The following AGAP1 variants were observed in gnomAD, a reference collection of about 807,000 sequenced individuals.
The protein encoded by AGAP1 is arf-GAP with GTPase, ANK repeat and PH domain-containing protein 1.
AGAP1 carries 29 observed loss-of-function variants against 105.3 expected under a neutral mutation model. The ratio of observed to expected loss-of-function variants is 0.28; its 90% CI spans 0.21 to 0.38. The LOEUF is 0.38. AGAP1 is among the 10% of genes least tolerant of loss of function. The pLI, the probability that AGAP1 is intolerant of heterozygous loss-of-function variation, is 1.00. For synonymous variants in AGAP1, 509 were observed against 485.9 expected (o/e 1.05, Z -0.63); for missense variants, 998 against 1,165.1 (o/e 0.86, Z 2.09).
chr2:235,790,211 G>A (rs986361702), intron 6 of AGAP1, among the ~76,000 whole-genome samples: 6 of 152,058 alleles, frequency 3.9e-5, no homozygotes, highest in African/African-American at 7.2e-5. Flanking sequence ...AGAAATTTTC[G>A]GAGTTTAGCT....
At chr2:236,048,109 G>T (rs746545709) in intron 15 of AGAP1, among the ~76,000 whole-genome samples, 22 of 152,234 alleles carry the variant, frequency 1.4e-4, no homozygotes, top group Non-Finnish European at 2.8e-4. Context: ...GGTGTGTCCA[G>T]AGTAAGCATT....
At chr2:235,814,838 G>A (rs1020861323) in intron 9 of AGAP1, among the ~76,000 whole-genome samples, 3 of 152,160 alleles carry the variant, frequency 2.0e-5, no homozygotes, top group Admixed American at 1.3e-4. Context: ...AAGGCCCAGG[G>A]TATCTGCTTG....
chr2:236,109,463 G>C lies in AGAP1; in HGVS notation c.2115-10729G>C, dbSNP rs962964969. On this transcript the variant is annotated intron_variant, in intron 16 of 17. Transcript: ENST00000304032. The surrounding 1 kb of genome is among the most constrained non-coding windows in gnomAD (Gnocchi z 5.4). ...AATTATAGATAGTTTTGATAGGGAAGAAGAGGAGGAAGGAAAAACTGAGAT... is the reference window on the plus strand; with the variant it reads ...AATTATAGATAGTTTTGATAGGGAACAAGAGGAGGAAGGAAAAACTGAGAT... Among the ~76,000 whole-genome samples, 1 of 152,144 alleles carries C rather than the reference G, an allele frequency of 6.6e-6. No individual in the cohort carries two copies. The highest frequency in any genetic ancestry group is 2.4e-5 in the African/African-American group (1 of 41,424).
At chr2:235,718,681 C>CT in intron 3 of AGAP1, among the ~76,000 whole-genome samples, 1 of 152,284 alleles carries the variant, frequency 6.6e-6, no homozygotes, top group South Asian at 2.1e-4. Context: ...TGGCTTGAGG[C>CT]TCTGCCACCG....
Position 235,900,786 on chromosome 2 carries a change from C to T in AGAP1, c.1156-7952C>T, listed in dbSNP as rs2051030180. On this transcript the variant is annotated intron_variant, in intron 10 of 17. Transcript: ENST00000304032. The surrounding 1 kb of genome is among the most constrained non-coding windows in gnomAD (Gnocchi z 5.5). The stretch of plus-strand genomic sequence containing the variant: ...GTTTGCCTCTGTGCATGCTACACAT[C>T]TGATTGGCCAGGTGCCTTCCTCCTG... 6.6e-6 allele frequency among the ~76,000 whole-genome samples: 1 copy of T among 152,240 alleles called. No individual in the cohort carries two copies. Among genetic ancestry groups the T allele is most frequent in the African/African-American group, 2.4e-5 (1 of 41,476 alleles).
intron 1 of AGAP1, among the ~76,000 whole-genome samples, chr2:235,537,219 G>T (rs888111184): frequency 6.6e-6 from 1 of 152,236 alleles, no homozygotes; most frequent in Non-Finnish European, 1.5e-5. Flanking sequence ...ATGAGAGCGG[G>T]GGTGGTGTGA....
intron 11 of AGAP1, among the ~76,000 whole-genome samples, chr2:235,920,769 A>G (rs2052146400): frequency 6.6e-6 from 1 of 152,248 alleles, no homozygotes; most frequent in African/African-American, 2.4e-5. Flanking sequence ...AAGACAAACA[A>G]GATTAGCAAC....
rs1944184153 is a variant in AGAP1 at position 235,562,380 on chromosome 2, G to A, written c.163+67531G>A. Among the ~76,000 whole-genome samples the A allele has an allele frequency of 2.0e-5, 3 of 152,142 alleles. No individual in the cohort carries two copies. The South Asian group carries it at 6.2e-4, about 32-fold the overall frequency. On this transcript the variant is annotated intron_variant, in intron 1 of 17. Coordinates refer to ENST00000304032, the MANE Select transcript of AGAP1 (RefSeq NM_001037131.3). ...TTGGCACTAACGGTGGGGAGAGATG[G>A]TTCCCCGAAGCCCCCTCCCTCTTGT...
At chr2:235,667,919 T>C (rs1473107141) in intron 1 of AGAP1, among the ~76,000 whole-genome samples, 1 of 139,446 alleles carries the variant, frequency 7.2e-6, no homozygotes, top group African/African-American at 2.8e-5. Flanking sequence ...GATCGTGCCA[T>C]TGAGCTCCCG....
rs191439875 is a variant in AGAP1 at position 235,792,639 on chromosome 2, G to A, written c.674-5120G>A. Among the ~76,000 whole-genome samples, 1 of 152,226 alleles carries A rather than the reference G, an allele frequency of 6.6e-6. No individual in the cohort carries two copies. ...AGACGAATTTCTGAGAAACTCTGGT[G>A]GTTGAACCAATCATCTGTTAGGTCT... On this transcript the variant is annotated intron_variant, in intron 6 of 17. Transcript: ENST00000304032. This position sits in a 1 kb window ranked among gnomAD's most constrained non-coding sequence, Gnocchi z 5.3.
intron 1 of AGAP1, among the ~76,000 whole-genome samples, chr2:235,699,697 C>A (rs1950162234): frequency 6.6e-6 from 1 of 152,172 alleles, no homozygotes; most frequent in African/African-American, 2.4e-5. Flanking sequence ...AGTGCTTTAC[C>A]CATAGGATGG....
chr2:235,668,897 A>T (rs1426703967), intron 1 of AGAP1, among the ~76,000 whole-genome samples: 2 of 152,180 alleles, frequency 1.3e-5, no homozygotes, highest in Non-Finnish European at 2.9e-5. Context: ...GTCAGTGAAT[A>T]AGCCTGGCTT....
rs1321230401 is a variant in AGAP1 at position 236,062,618 on chromosome 2, G to A, written c.2114+13337G>A. Among the ~76,000 whole-genome samples the A allele has an allele frequency of 1.3e-5, 2 of 152,058 alleles. No homozygotes were observed. The highest frequency in any genetic ancestry group is 2.9e-5 in the Non-Finnish European group (2 of 68,000). On this transcript the variant is annotated intron_variant, in intron 16 of 17. Transcript: ENST00000304032. The surrounding 1 kb of genome is among the most constrained non-coding windows in gnomAD (Gnocchi z 4.2). ...AGCCTCCCAAGTAGCTGGGACTACA[G>A]CCACATGCCTCCACACTCAGCTATT...
rs1194739068 is a variant in AGAP1 at position 236,073,504 on chromosome 2, G to C, written c.2114+24223G>C. Among the ~76,000 whole-genome samples the C allele has an allele frequency of 1.3e-5, 2 of 152,134 alleles. No homozygotes were observed. The highest frequency in any genetic ancestry group is 2.9e-5 in the Non-Finnish European group (2 of 68,030). ...TGCAAAACAGCTTGCAAAACAGCTG[G>C]GGACTGGAGATATTGGATTATACCA... On this transcript the variant is annotated intron_variant, in intron 16 of 17. Coordinates refer to ENST00000304032, the MANE Select transcript of AGAP1 (RefSeq NM_001037131.3). This position sits in a 1 kb window ranked among gnomAD's most constrained non-coding sequence, Gnocchi z 5.4.
Position 236,090,789 on chromosome 2 carries a change from G to C in AGAP1, c.2115-29403G>C, listed in dbSNP as rs767943367. Among the ~76,000 whole-genome samples, 5 of 152,092 alleles carry C rather than the reference G, an allele frequency of 3.3e-5. No individual in the cohort carries two copies. Among genetic ancestry groups the C allele is most frequent in the Non-Finnish European group, 5.9e-5 (4 of 68,018 alleles). On this transcript the variant is annotated intron_variant, in intron 16 of 17. Coordinates refer to ENST00000304032, the MANE Select transcript of AGAP1 (RefSeq NM_001037131.3). This position sits in a 1 kb window ranked among gnomAD's most constrained non-coding sequence, Gnocchi z 4.3. ...AGTTTGGTTCTTGTTGCCCAGCCTG[G>C]AGTGCAGTGGCACGATCTTGGCTCA...
Position 235,586,866 on chromosome 2 carries a change from G to A in AGAP1, c.163+92017G>A, listed in dbSNP as rs765479787. On this transcript the variant is annotated intron_variant, in intron 1 of 17. Transcript: ENST00000304032. The surrounding 1 kb of genome is among the most constrained non-coding windows in gnomAD (Gnocchi z 4.2). ...AGCTTTCTTGAGGACGGGTTTTGTC[G>A]GAGTGTAGTTCATATACCATGCACA... 5.9e-5 allele frequency among the ~76,000 whole-genome samples: 9 copies of A among 152,144 alleles called. No individual in the cohort carries two copies. Among genetic ancestry groups the A allele is most frequent in the Non-Finnish European group, 8.8e-5 (6 of 68,042 alleles).
In AGAP1 at chr2:235,642,580, G is replaced by A. The variant is rs543288954; in HGVS notation, c.164-66599G>A. Among the ~76,000 whole-genome samples the A allele has an allele frequency of 1.3e-5, 2 of 152,218 alleles. No individual in the cohort carries two copies. Among genetic ancestry groups the A allele is most frequent in the East Asian group, 3.9e-4 (2 of 5,150 alleles). On this transcript the variant is annotated intron_variant, in intron 1 of 17. Coordinates refer to ENST00000304032, the MANE Select transcript of AGAP1 (RefSeq NM_001037131.3). The surrounding 1 kb of genome is among the most constrained non-coding windows in gnomAD (Gnocchi z 4.1). ...CTGTCGGGACCATCATCCACCAGGG[G>A]CCAGCTGTCCAGAGGCAGACCCACC...
chr2:235,539,885 G>C (rs1037424337), intron 1 of AGAP1, among the ~76,000 whole-genome samples: 2 of 152,138 alleles, frequency 1.3e-5, no homozygotes, highest in African/African-American at 4.8e-5. Flanking sequence ...TTCGGGATAG[G>C]AAAACAAGCC....
intron 9 of AGAP1, among the ~76,000 whole-genome samples, chr2:235,836,874 C>A (rs951381332): frequency 6.6e-6 from 1 of 152,146 alleles, no homozygotes; most frequent in South Asian, 2.1e-4. Context: ...ACACTGGTGC[C>A]ATTTACATTC....
Sources: gnomAD v4.1 joint callset for allele counts (sites outside exome capture counted in the v4.1 genomes callset) on GRCh38, gnomAD v4.1.1 for gene constraint, Gnocchi (gnomAD v3.1) non-coding constraint, MANE v1.5 for transcripts, NCBI Gene and HGNC (gene_info 2026-07-23, HGNC 2026-07-21) for gene names.